PCNX2: variants seen among roughly 807,000 people sequenced by gnomAD.
PCNX2 encodes pecanex 2.
PCNX2 carries 168 observed loss-of-function variants against 223.8 expected under a neutral mutation model. That is an observed-to-expected ratio of 0.75 (90% CI 0.66 to 0.85). The LOEUF (loss-of-function observed/expected upper bound fraction) is 0.85. PCNX2 is among the 40% of genes least tolerant of loss of function. PCNX2 has a pLI of 0.00. For missense variants in PCNX2, 2,507 were observed against 2,675.5 expected (o/e 0.94, Z 1.39); for synonymous variants, 1,006 against 1,052.6 (o/e 0.96, Z 0.86).
intron 19 of PCNX2, among the ~76,000 whole-genome samples, chr1:233,146,267 A>G (rs757769657): frequency 1.4e-4 from 21 of 152,158 alleles, no homozygotes; most frequent in Non-Finnish European, 2.9e-4. Context: ...TGTACCTACT[A>G]GAATGTCTGC....
At chr1:233,203,887 C>A (rs72750056) in intron 13 of PCNX2, among the ~76,000 whole-genome samples, 2,584 of 152,320 alleles carry the variant, frequency 0.017, 30 homozygotes, top group Non-Finnish European at 0.025. Context: ...ATACTCCATG[C>A]TCCCTAGCAC....
At chr1:233,257,781 T>C (rs951580120) in intron 5 of PCNX2, among the ~76,000 whole-genome samples, 7 of 152,298 alleles carry the variant, frequency 4.6e-5, no homozygotes, top group African/African-American at 1.7e-4. Flanking sequence ...TCTTGCCTTC[T>C]ATAGGGAAGC....
chr1:233,071,104 T>C (rs1387435400), intron 23 of PCNX2, among the ~76,000 whole-genome samples: 7 of 152,158 alleles, frequency 4.6e-5, no homozygotes, highest in African/African-American at 1.7e-4. Context: ...AAAAATTGAA[T>C]TACTTCCCCA....
At chr1:233,179,380 T>A (rs1351719358) in intron 15 of PCNX2, among the ~76,000 whole-genome samples, 1 of 152,196 alleles carries the variant, frequency 6.6e-6, no homozygotes, top group Non-Finnish European at 1.5e-5. Flanking sequence ...GATAAGGAAC[T>A]TTTTGACTAA....
At chr1:233,266,485 T>C (rs1432215405) in intron 1 of PCNX2, among the ~76,000 whole-genome samples, 1 of 152,202 alleles carries the variant, frequency 6.6e-6, no homozygotes, top group East Asian at 1.9e-4. Flanking sequence ...GGGACATCCC[T>C]GAAAATCACT....
chr1:232,985,785 C>A, intron 33 of PCNX2: 2 of 590,964 alleles, frequency 3.4e-6, no homozygotes, highest in Non-Finnish European at 6.0e-6. Context: ...GGAGGGCATT[C>A]TCCGTCATGC....
At chr1:232,993,732 A>G (rs1252377741) in intron 32 of PCNX2, among the ~76,000 whole-genome samples, 1 of 152,152 alleles carries the variant, frequency 6.6e-6, no homozygotes, top group African/African-American at 2.4e-5. Context: ...AGGAGGGAAA[A>G]ATGGTTTCAT....
At chr1:233,257,503 G>A (rs558517680) in intron 5 of PCNX2, among the ~76,000 whole-genome samples, 33 of 152,298 alleles carry the variant, frequency 2.2e-4, no homozygotes, top group Non-Finnish European at 3.8e-4. Context: ...AGTCACCCTC[G>A]TTAATACATG....
In PCNX2 at chr1:233,172,577, T is replaced by C. The variant is rs773355175; in HGVS notation, c.3273+5225A>G. On this transcript the variant is annotated intron_variant, in intron 17 of 33. Transcript: ENST00000258229. Reference sequence around the variant, plus strand: ...TTTGGTGTCCCAGGCTGATGATCCATGGTCTGGCATTGGACACCCACCTGG... The same window carrying C: ...TTTGGTGTCCCAGGCTGATGATCCACGGTCTGGCATTGGACACCCACCTGG... 4 of 982,932 alleles carry C rather than the reference T, an allele frequency of 4.1e-6. No individual in the cohort carries two copies. The African/African-American group carries it at 7.0e-5, about 17-fold the overall frequency. 60.9% of individuals were successfully genotyped at this position (982,932 alleles called of 1,614,324 possible). A position where few individuals can be genotyped will look rare whatever the true frequency, so the allele number is the denominator to read the frequency against.
At chr1:233,061,273 C>T (rs1298973463) in intron 23 of PCNX2, among the ~76,000 whole-genome samples, 4 of 152,320 alleles carry the variant, frequency 2.6e-5, no homozygotes, top group Admixed American at 2.6e-4. Context: ...TACAGGGGTA[C>T]TGTCTCCTTT....
At chr1:233,052,616 C>T (rs552699203) in intron 25 of PCNX2, among the ~76,000 whole-genome samples, 1 of 152,326 alleles carries the variant, frequency 6.6e-6, no homozygotes, top group South Asian at 2.1e-4. Flanking sequence ...ATGCGATACT[C>T]ATTTCACATG....
chr1:233,054,460 A>T lies in PCNX2; in HGVS notation c.4159T>A (p.Ser1387Thr). 2 of 1,613,500 alleles carry T rather than the reference A, an allele frequency of 1.2e-6. No individual in the cohort carries two copies. The highest frequency in any genetic ancestry group is 2.2e-5 in the East Asian group (1 of 44,864). The change falls in exon 25 of 34, where the codon TCC becomes ACC. Residue 1387 changes from serine (S) to threonine (T), a missense_variant. By Grantham distance (58) the Ser-to-Thr change is moderately conservative (BLOSUM62 1). Around this residue, in one of 3 missense-constraint regions of PCNX2, gnomAD observed 1,372 missense variants for 1,509.4 expected, o/e 0.91. Transcript: ENST00000258229. ...DPGNDDNNLN[S>T]IFYEHLTRTL... The stretch of plus-strand genomic sequence containing the variant: ...CTTGTCAAGTGTTCATAAAAAATGG[A>T]ATTGAGATTGTTGTCATCATTCCCT...
intron 9 of PCNX2, among the ~76,000 whole-genome samples, chr1:233,228,248 T>C (rs1041815553): frequency 1.3e-5 from 2 of 152,160 alleles, no homozygotes; most frequent in African/African-American, 4.8e-5. Context: ...TCCTCCTTCA[T>C]TGTTTGACCG....
the PCNX2 span, among the ~76,000 whole-genome samples, chr1:233,323,323 TC>T: frequency 6.6e-6 from 1 of 152,212 alleles, no homozygotes; most frequent in Non-Finnish European, 1.5e-5. Context: ...TCCCCCAAAT[TC>T]TAAAATCATC....
chr1:232,998,284 C>T lies in PCNX2; in HGVS notation c.5758G>A (p.Gly1920Arg), dbSNP rs372629025. The change falls in exon 32 of 34, where the codon GGG becomes AGG. Residue 1920 changes from glycine (G) to arginine (R), a missense_variant. Physicochemically the swap from Gly to Arg is moderately radical, Grantham distance 125. Around this residue, in one of 3 missense-constraint regions of PCNX2, gnomAD observed 1,372 missense variants for 1,509.4 expected, o/e 0.91. Coordinates refer to ENST00000258229, the MANE Select transcript of PCNX2 (RefSeq NM_014801.4). ...TGTGTCCCTTCACAGGATGACACCCCGTGCTGAGCACCGCCTTTTCTGGGC... is the reference window on the plus strand; with the variant it reads ...TGTGTCCCTTCACAGGATGACACCCTGTGCTGAGCACCGCCTTTTCTGGGC... Reference protein sequence around the residue: ...EQPRKGGAQHGVSSCEGTQRT... With the variant: ...EQPRKGGAQHRVSSCEGTQRT... The T allele has an allele frequency of 1.2e-5, 20 of 1,601,160 alleles. 1 individual carries two copies. The highest frequency in any genetic ancestry group is 5.6e-5 in the South Asian group (5 of 88,882).
chr1:233,168,220 T>C (rs1237491070), intron 17 of PCNX2, among the ~76,000 whole-genome samples: 2 of 152,074 alleles, frequency 1.3e-5, no homozygotes, highest in African/African-American at 2.4e-5. Context: ...CACAATAATA[T>C]TGCAGCACCC....
chr1:233,075,039 T>TA lies in PCNX2; in HGVS notation c.4076+15021dup, dbSNP rs543441714. 2.1e-4 allele frequency among the ~76,000 whole-genome samples: 32 copies of TA among 151,716 alleles called. No individual in the cohort carries two copies. The South Asian group carries it at 6.2e-3, about 30-fold the overall frequency. ...CTTCTTTAAAAAAGAAAAAGAAAAC[T>TA]AAAAAAAATACTACATTATGAGACA... On this transcript the variant is annotated intron_variant, in intron 23 of 33. Coordinates refer to ENST00000258229, the MANE Select transcript of PCNX2 (RefSeq NM_014801.4).
chr1:232,985,841 C>T (rs983597027), intron 33 of PCNX2: 19 of 606,200 alleles, frequency 3.1e-5, no homozygotes, highest in African/African-American at 9.3e-5. Context: ...CCTCTGTATC[C>T]GGTGACTCCT....
chr1:233,213,416 G>GT, intron 12 of PCNX2, among the ~76,000 whole-genome samples: 1 of 151,020 alleles, frequency 6.6e-6, no homozygotes, highest in East Asian at 1.9e-4. Context: ...CAATAATAAT[G>GT]TATCAGTATT....
Sources: gnomAD v4.1 joint callset for allele counts (sites outside exome capture counted in the v4.1 genomes callset) on GRCh38, gnomAD v4.1.1 for gene constraint, gnomAD v4.1.1 regional missense constraint, MANE v1.5 for transcripts, NCBI Gene and HGNC (gene_info 2026-07-23, HGNC 2026-07-21) for gene names.